Variants in CTNNA3 observed in about 807,000 individuals in gnomAD.
The protein encoded by CTNNA3 is catenin alpha-3.
Under a neutral mutation model 95.7 loss-of-function variants are expected in CTNNA3, and 76 were observed. The observed-to-expected ratio is 0.79, with a 90% confidence interval of 0.66 to 0.96. The LOEUF (loss-of-function observed/expected upper bound fraction) is 0.96. CTNNA3 is among the 40% of genes least tolerant of loss of function. The pLI, the probability that CTNNA3 is intolerant of heterozygous loss-of-function variation, is 0.00. For synonymous variants in CTNNA3, 431 were observed against 374.4 expected (o/e 1.15, Z -1.74); for missense variants, 1,191 against 1,089.8 (o/e 1.09, Z -1.31).
At chr10:67,259,275 C>G (rs779288081) in intron 5 of CTNNA3, among the ~76,000 whole-genome samples, 43 of 152,298 alleles carry the variant, frequency 2.8e-4, no homozygotes, top group Middle Eastern at 3.4e-3. Flanking sequence ...TTAAGTGTAT[C>G]TCTTAGTTGT....
At chr10:65,981,228 T>G (rs1305812452) in intron 16 of CTNNA3, among the ~76,000 whole-genome samples, 2 of 151,714 alleles carry the variant, frequency 1.3e-5, no homozygotes, top group African/African-American at 2.4e-5. Context: ...AATCAAGAAC[T>G]CAACCGTTTT....
intron 13 of CTNNA3, among the ~76,000 whole-genome samples, chr10:66,135,783 G>A (rs570700681): frequency 6.6e-6 from 1 of 152,278 alleles, no homozygotes; most frequent in South Asian, 2.1e-4. Context: ...AAACAAAATA[G>A]CTTGCATGCA....
chr10:67,691,724 G>A (rs1840859577), intron 1 of CTNNA3, among the ~76,000 whole-genome samples: 1 of 151,534 alleles, frequency 6.6e-6, no homozygotes, highest in Non-Finnish European at 1.5e-5. Context: ...AGTGAGGAGT[G>A]TCTCCGCCCG....
intron 3 of CTNNA3, among the ~76,000 whole-genome samples, chr10:67,551,867 T>G (rs969416172): frequency 4.6e-5 from 7 of 152,150 alleles, no homozygotes; most frequent in Non-Finnish European, 1.0e-4. Context: ...TCAGGGATGT[T>G]TGAAACTGGT....
intron 13 of CTNNA3, among the ~76,000 whole-genome samples, chr10:66,193,724 C>T (rs1589691837): frequency 6.6e-6 from 1 of 152,120 alleles, no homozygotes; most frequent in East Asian, 1.9e-4. Flanking sequence ...TTATTTCATA[C>T]TTCCTAGTAT....
intron 15 of CTNNA3, among the ~76,000 whole-genome samples, chr10:66,001,833 A>G (rs1318560790): frequency 1.3e-5 from 2 of 152,104 alleles, no homozygotes; most frequent in East Asian, 3.9e-4. Flanking sequence ...AACTGAATGG[A>G]TTATATTGAG....
chr10:66,158,432 T>C (rs193283667), intron 13 of CTNNA3, among the ~76,000 whole-genome samples: 1 of 152,112 alleles, frequency 6.6e-6, no homozygotes, highest in Non-Finnish European at 1.5e-5. Context: ...TTTATGTTTT[T>C]GTTTGTTTTG....
At chr10:67,030,359 A>C (rs2133106807) in intron 7 of CTNNA3, among the ~76,000 whole-genome samples, 1 of 152,230 alleles carries the variant, frequency 6.6e-6, no homozygotes, top group African/African-American at 2.4e-5. Context: ...ACTTTTAAAA[A>C]CCCTCTTAAT....
chr10:66,316,007 C>T (rs1314878502), intron 12 of CTNNA3, among the ~76,000 whole-genome samples: 6 of 152,028 alleles, frequency 3.9e-5, no homozygotes, highest in Non-Finnish European at 7.4e-5. Context: ...CCAATTTTAA[C>T]GAAGGTTAAT....
At chr10:66,612,875 T>C (rs966776773) in intron 10 of CTNNA3, among the ~76,000 whole-genome samples, 2 of 152,098 alleles carry the variant, frequency 1.3e-5, no homozygotes, top group Non-Finnish European at 2.9e-5. Context: ...CTGTGTCCCC[T>C]GACATGAATC....
chr10:66,011,377 G>T (rs966222478), intron 15 of CTNNA3, among the ~76,000 whole-genome samples: 4 of 151,404 alleles, frequency 2.6e-5, no homozygotes, highest in East Asian at 3.9e-4. Flanking sequence ...CTATTCTCCT[G>T]CTAGTTAAAA....
chr10:65,920,187 GT>G lies in CTNNA3; in HGVS notation c.*142del, dbSNP rs2077060006. The stretch of plus-strand genomic sequence containing the variant: ...ATGATCCCAAATATATATTGCTTTT[GT>G]TGATTTAGCGCCCAATATTTTATGT... On this transcript the variant is annotated 3_prime_UTR_variant, in exon 18 of 18. Coordinates refer to ENST00000433211, the MANE Select transcript of CTNNA3 (RefSeq NM_013266.4). The G allele has an allele frequency of 2.9e-6, 2 of 684,362 alleles. No homozygotes were observed. Among genetic ancestry groups the G allele is most frequent in the Non-Finnish European group, 5.0e-6 (2 of 403,530 alleles). The allele number at this position is 684,362 out of a possible 1,614,324, so 42.4% of individuals were successfully genotyped here.
chr10:66,370,557 G>A (rs547419734), intron 12 of CTNNA3, among the ~76,000 whole-genome samples: 1 of 152,278 alleles, frequency 6.6e-6, no homozygotes, highest in Non-Finnish European at 1.5e-5. Flanking sequence ...ATATTGGTGT[G>A]TGTTAGTGAG....
intron 11 of CTNNA3, among the ~76,000 whole-genome samples, chr10:66,486,970 C>T (rs1839750738): frequency 6.6e-6 from 1 of 152,022 alleles, no homozygotes; most frequent in Non-Finnish European, 1.5e-5. Flanking sequence ...CTTGTATGAT[C>T]TCACTTATAC....
chr10:67,259,583 T>A (rs1402161346), intron 5 of CTNNA3, among the ~76,000 whole-genome samples: 1 of 152,190 alleles, frequency 6.6e-6, no homozygotes, highest in African/African-American at 2.4e-5. Flanking sequence ...GATAATAAGA[T>A]AATATGCATG....
At chr10:66,090,637 G>A (rs577520350) in intron 14 of CTNNA3, among the ~76,000 whole-genome samples, 11 of 151,932 alleles carry the variant, frequency 7.2e-5, no homozygotes, top group Non-Finnish European at 1.5e-4. Flanking sequence ...CTTTAAAATG[G>A]TCTTAGCATC....
intron 9 of CTNNA3, among the ~76,000 whole-genome samples, chr10:66,749,585 AC>A (rs986459711): frequency 6.6e-6 from 1 of 152,104 alleles, no homozygotes; most frequent in African/African-American, 2.4e-5. Context: ...GTCTGGATAT[AC>A]CCCGGTTTAT....
At chr10:66,543,903 GTGTGTGTGTATATA>G (rs1255015570) in intron 10 of CTNNA3, among the ~76,000 whole-genome samples, 1,206 of 44,580 alleles carry the variant, frequency 0.027, 41 homozygotes, top group Admixed American at 0.1. Flanking sequence ...CTTGAGATGT[GTGTGTGTGTATATA>G]TATATATATA....
intron 5 of CTNNA3, among the ~76,000 whole-genome samples, chr10:67,367,946 T>C (rs1402135944): frequency 6.6e-6 from 1 of 152,116 alleles, no homozygotes; most frequent in South Asian, 2.1e-4. Context: ...ATGCTCAGTA[T>C]GTGGGTGATA....
Sources: gnomAD v4.1 joint callset for allele counts (sites outside exome capture counted in the v4.1 genomes callset) on GRCh38, gnomAD v4.1.1 for gene constraint, MANE v1.5 for transcripts, NCBI Gene and HGNC (gene_info 2026-07-23, HGNC 2026-07-21) for gene names.